The following AATF variants were observed in gnomAD, a reference collection of about 807,000 sequenced individuals.
The protein encoded by AATF is apoptosis antagonizing transcription factor, also known as protein AATF.
Under a neutral mutation model 63.7 loss-of-function variants are expected in AATF, and 48 were observed. The observed-to-expected ratio is 0.75, with a 90% CI of 0.60 to 0.96. The LOEUF (loss-of-function observed/expected upper bound fraction) is 0.96, where lower values mean the gene tolerates loss of function less well. Among genes scored for constraint, AATF ranks in the 40% least tolerant of loss-of-function variants. The pLI is 0.00. For synonymous variants in AATF, 258 were observed against 247.7 expected (o/e 1.04, Z -0.39); for missense variants, 639 against 685.7 (o/e 0.93, Z 0.76).
intron 4 of AATF, among the ~76,000 whole-genome samples, chr17:36,962,222 A>G (rs541600703): frequency 3.8e-4 from 58 of 152,310 alleles, no homozygotes; most frequent in African/African-American, 1.3e-3. Flanking sequence ...TGTTTTATCT[A>G]TTTATTAGAG....
chr17:37,002,895 C>G (rs1238304808), intron 8 of AATF, among the ~76,000 whole-genome samples: 1 of 144,120 alleles, frequency 6.9e-6, no homozygotes, highest in Non-Finnish European at 1.5e-5. Context: ...ATCAACATTC[C>G]TGTTGCTGTT....
At chr17:37,048,528 G>A (rs911354099) in intron 11 of AATF, among the ~76,000 whole-genome samples, 3 of 151,782 alleles carry the variant, frequency 2.0e-5, no homozygotes, top group African/African-American at 7.2e-5. Context: ...ACACCACCAC[G>A]CCCAGCTATT....
intron 4 of AATF, among the ~76,000 whole-genome samples, chr17:36,964,762 C>A (rs2070977890): frequency 6.6e-6 from 1 of 151,578 alleles, no homozygotes; most frequent in Admixed American, 6.6e-5. Flanking sequence ...CCCCCCTCCC[C>A]CCCACTGTAG....
chr17:36,952,653 G>T (rs1449361968), intron 2 of AATF, among the ~76,000 whole-genome samples: 1 of 152,194 alleles, frequency 6.6e-6, no homozygotes, highest in Non-Finnish European at 1.5e-5. Context: ...AATGTTGTGA[G>T]TCTGTCTTTC....
chr17:36,966,657 G>T (rs1433266044), intron 4 of AATF, among the ~76,000 whole-genome samples: 1 of 152,118 alleles, frequency 6.6e-6, no homozygotes, highest in East Asian at 1.9e-4. Context: ...TAAGAGTATA[G>T]GATGTAAATT....
chr17:37,014,292 T>TAATAATAATAATAATAA (rs547730359), intron 8 of AATF, among the ~76,000 whole-genome samples: 99 of 150,546 alleles, frequency 6.6e-4, no homozygotes, highest in Middle Eastern at 6.9e-3. Flanking sequence ...ATAATAATAA[T>TAATAATAATAATAATAA]AATAATAATA....
At chr17:37,015,670 A>G (rs1461468479) in intron 8 of AATF, among the ~76,000 whole-genome samples, 1 of 152,206 alleles carries the variant, frequency 6.6e-6, no homozygotes, top group Non-Finnish European at 1.5e-5. Flanking sequence ...GCAGAAGACC[A>G]TAGCAACTTT....
At position 36,949,028 on chromosome 17, in the gene AATF, A is replaced by G. The variant is rs562773775; in HGVS notation, c.-98A>G. Reference sequence around the variant, plus strand: ...GTCTCTGGCGGAGTCGGGGAATCGGATCAAGGCGAGAGGATCCGGCAGGGA... The same window carrying G: ...GTCTCTGGCGGAGTCGGGGAATCGGGTCAAGGCGAGAGGATCCGGCAGGGA... On this transcript the variant is annotated 5_prime_UTR_variant, in exon 1 of 12. Coordinates refer to ENST00000619387, the MANE Select transcript of AATF (RefSeq NM_012138.4). 3.2e-5 allele frequency: 37 copies of G among 1,158,460 alleles called. No homozygotes were observed. The South Asian group carries it at 4.8e-4, about 15-fold the overall frequency. The allele number at this position is 1,158,460 out of a possible 1,614,324, so 71.8% of individuals were successfully genotyped here. A position where few individuals can be genotyped will look rare whatever the true frequency, so the allele number is the denominator to read the frequency against.
chr17:36,954,919 C>G (rs1730683484), intron 4 of AATF, among the ~76,000 whole-genome samples: 1 of 152,008 alleles, frequency 6.6e-6, no homozygotes, highest in Admixed American at 6.6e-5. Context: ...CTGTATATAT[C>G]TATATCTAGA....
chr17:37,021,342 G>A (rs1433494089), intron 10 of AATF, among the ~76,000 whole-genome samples: 1 of 152,082 alleles, frequency 6.6e-6, no homozygotes, highest in East Asian at 1.9e-4. Context: ...ATATAAAAAT[G>A]TTATGGCCAG....
intron 8 of AATF, among the ~76,000 whole-genome samples, chr17:37,017,408 A>G (rs2071436798): frequency 6.6e-6 from 1 of 151,902 alleles, no homozygotes; most frequent in South Asian, 2.1e-4. Flanking sequence ...CCAGAAGCCC[A>G]TTTCTGCTTA....
intron 10 of AATF, among the ~76,000 whole-genome samples, chr17:37,022,087 G>T (rs1335135301): frequency 6.6e-6 from 1 of 150,898 alleles, no homozygotes; most frequent in Non-Finnish European, 1.5e-5. Flanking sequence ...AATTGACCTC[G>T]CTATACTTTT....
In AATF at chr17:37,036,252, G is replaced by A. The variant is rs577475834; in HGVS notation, c.1619+4567G>A. On this transcript the variant is annotated intron_variant, in intron 11 of 11. Transcript: ENST00000619387. ...TTGGTTCCAGTTTACCCTTCCACACGTGCCTAAATTGGATTAATCCTCAGT... is the reference window on the plus strand; with the variant it reads ...TTGGTTCCAGTTTACCCTTCCACACATGCCTAAATTGGATTAATCCTCAGT... Among the ~76,000 whole-genome samples the A allele has an allele frequency of 4.6e-5, 7 of 152,166 alleles. 1 individual carries two copies. Among genetic ancestry groups the A allele is most frequent in the South Asian group, 2.1e-4 (1 of 4,810 alleles).
intron 10 of AATF, among the ~76,000 whole-genome samples, chr17:37,027,036 A>G (rs1465697981): frequency 6.6e-6 from 1 of 152,180 alleles, no homozygotes; most frequent in Non-Finnish European, 1.5e-5. Context: ...AAAGATTAAC[A>G]TTACCTTCTG....
intron 4 of AATF, among the ~76,000 whole-genome samples, chr17:36,973,458 T>A (rs1294062744): frequency 6.6e-6 from 1 of 152,178 alleles, no homozygotes; most frequent in East Asian, 1.9e-4. Flanking sequence ...TTTCTCCCCT[T>A]TTCAAAGAGA....
intron 11 of AATF, among the ~76,000 whole-genome samples, chr17:37,040,468 A>AT (rs2071627985): frequency 1.2e-3 from 2 of 1,622 alleles, no homozygotes; most frequent in South Asian, 0.062. Context: ...TTTGTTCCTC[A>AT]TTTAAAAAAA....
chr17:36,949,790 A>G (rs145665046), intron 1 of AATF, among the ~76,000 whole-genome samples: 6 of 152,346 alleles, frequency 3.9e-5, no homozygotes, highest in South Asian at 2.1e-4. Context: ...GAAAGGGATA[A>G]TAAGGAGGGA....
intron 10 of AATF, 152 bp downstream of exon 10, chr17:37,021,166 A>C: frequency 1.9e-6 from 1 of 536,148 alleles, no homozygotes; most frequent in Non-Finnish European, 3.1e-6. Flanking sequence ...ATTGCAACTC[A>C]GTTTTTCTTA....
chr17:37,006,094 GC>G (rs2071339224), intron 8 of AATF, among the ~76,000 whole-genome samples: 2 of 152,064 alleles, frequency 1.3e-5, no homozygotes, highest in Admixed American at 6.6e-5. Flanking sequence ...CTATGATTGT[GC>G]CGCTATACTC....
Sources: gnomAD v4.1 joint callset for allele counts (sites outside exome capture counted in the v4.1 genomes callset) on GRCh38, gnomAD v4.1.1 for gene constraint, MANE v1.5 for transcripts, NCBI Gene and HGNC (gene_info 2026-07-23, HGNC 2026-07-21) for gene names.